Variants in TLL1 observed in about 807,000 individuals in gnomAD.
The protein encoded by TLL1 is tolloid-like protein 1.
TLL1 carries 49 observed loss-of-function variants against 128.2 expected under a neutral mutation model. The observed-to-expected ratio is 0.38, with a 90% confidence interval of 0.30 to 0.48. The LOEUF is 0.48. Ranked by LOEUF, TLL1 falls within the 20% of genes least tolerant of loss-of-function variation. TLL1 has a pLI of 0.96. For missense variants in TLL1, 1,123 were observed against 1,242.0 expected (o/e 0.90, Z 1.44); for synonymous variants, 454 against 418.8 (o/e 1.08, Z -1.03).
At chr4:166,056,787 G>A (rs905811282) in intron 13 of TLL1, among the ~76,000 whole-genome samples, 5 of 152,130 alleles carry the variant, frequency 3.3e-5, no homozygotes, top group African/African-American at 1.2e-4. Context: ...AGTTGGCCCA[G>A]CAATAGGTTT....
At chr4:165,937,813 T>C (rs1160750823) in intron 1 of TLL1, among the ~76,000 whole-genome samples, 1 of 151,816 alleles carries the variant, frequency 6.6e-6, no homozygotes, top group Non-Finnish European at 1.5e-5. Context: ...TTTATTTTTC[T>C]GGGCATCTTA....
chr4:165,892,690 A>G (rs1177831572), intron 1 of TLL1, among the ~76,000 whole-genome samples: 1 of 152,220 alleles, frequency 6.6e-6, no homozygotes, highest in Non-Finnish European at 1.5e-5. Context: ...TGCTAAGAAC[A>G]TATTCACTAG....
intron 9 of TLL1, among the ~76,000 whole-genome samples, chr4:166,029,175 C>T (rs997953432): frequency 1.3e-5 from 2 of 151,654 alleles, no homozygotes; most frequent in South Asian, 2.1e-4. Context: ...TTTATCATTT[C>T]GTATTTTTCT....
intron 17 of TLL1, among the ~76,000 whole-genome samples, chr4:166,075,897 G>A (rs540927093): frequency 7.6e-4 from 115 of 152,216 alleles, no homozygotes; most frequent in African/African-American, 2.8e-3. Context: ...TTACATGTCA[G>A]GGATTTTCTT....
intron 6 of TLL1, among the ~76,000 whole-genome samples, chr4:166,006,783 A>T (rs1737454508): frequency 6.6e-6 from 1 of 151,770 alleles, no homozygotes; most frequent in Non-Finnish European, 1.5e-5. Context: ...ACAGACTAAA[A>T]CACCTTGTTC....
chr4:165,919,794 A>G (rs1392527223), intron 1 of TLL1: 5 of 455,946 alleles, frequency 1.1e-5, no homozygotes, highest in African/African-American at 8.0e-5. Context: ...CTTGTTTAAA[A>G]CACTCACTCT....
chr4:165,934,173 C>CTTTTT (rs779010027), intron 1 of TLL1, among the ~76,000 whole-genome samples: 15 of 108,294 alleles, frequency 1.4e-4, no homozygotes, highest in Admixed American at 2.0e-4. Flanking sequence ...TAATTTTTTG[C>CTTTTT]TTTTTTTTTT....
chr4:165,996,902 A>G (rs951175496), intron 5 of TLL1, among the ~76,000 whole-genome samples: 10 of 150,896 alleles, frequency 6.6e-5, no homozygotes, highest in Non-Finnish European at 1.5e-5. Context: ...TTGTACATGC[A>G]TATACATATG....
At chr4:165,956,294 C>T (rs781186628) in intron 1 of TLL1, among the ~76,000 whole-genome samples, 6 of 151,974 alleles carry the variant, frequency 3.9e-5, no homozygotes, top group Non-Finnish European at 8.8e-5. Context: ...ACAAATTTAC[C>T]AGGGTGGAGT....
rs1733376851 is a variant in TLL1, at chr4:165,928,630, A to G, written c.169+54557A>G. ...CACTGAATAAAAATATTCTTTTTGT[A>G]TTGCTTTAACATATCAAAAATTTCC... On this transcript the variant is annotated intron_variant, in intron 1 of 20. Transcript: ENST00000061240. 2.0e-5 allele frequency among the ~76,000 whole-genome samples: 3 copies of G among 152,202 alleles called. No homozygotes were observed. The South Asian group carries it at 6.2e-4, about 32-fold the overall frequency.
rs755923669 is a variant in TLL1, at chr4:166,003,397, C to T, written c.639C>T (p.Cys213=). ...ACTTTCTCTTTTATTCCAGATGCTGCTCCTATGTAGGTCGGCGAGGAAATG... is the reference window on the plus strand; with the variant it reads ...ACTTTCTCTTTTATTCCAGATGCTGTTCCTATGTAGGTCGGCGAGGAAATG... The part of the protein sequence containing the change: ...IVFTYRPCGC[C]SYVGRRGNGP... Residue 213 remains cysteine (C), a synonymous_variant, in exon 6 of 21, where the codon TGC becomes TGT. Transcript: ENST00000061240. 1.2e-6 allele frequency: 2 copies of T among 1,613,974 alleles called. No individual in the cohort carries two copies. The highest frequency in any genetic ancestry group is 8.5e-7 in the Non-Finnish European group (1 of 1,179,922).
chr4:165,962,324 C>A (rs1232184564), intron 1 of TLL1, among the ~76,000 whole-genome samples: 1 of 152,136 alleles, frequency 6.6e-6, no homozygotes, highest in Admixed American at 6.6e-5. Context: ...TGAAAAAATT[C>A]TCAACATCAC....
At chr4:166,001,423 A>T (rs943424308) in intron 5 of TLL1, among the ~76,000 whole-genome samples, 2 of 152,124 alleles carry the variant, frequency 1.3e-5, no homozygotes, top group Non-Finnish European at 2.9e-5. Flanking sequence ...TGGGACTGTC[A>T]TACACTCACA....
intron 8 of TLL1, among the ~76,000 whole-genome samples, chr4:166,016,451 G>A: frequency 6.6e-6 from 1 of 152,056 alleles, no homozygotes; most frequent in Non-Finnish European, 1.5e-5. Context: ...ACACTGAACT[G>A]TAGGAAAGTC....
chr4:166,034,146 A>C (rs1056032013), intron 9 of TLL1, among the ~76,000 whole-genome samples: 1 of 152,180 alleles, frequency 6.6e-6, no homozygotes, highest in Admixed American at 6.6e-5. Context: ...ATAACCTAGT[A>C]ATATAATGGT....
At chr4:166,089,136 C>G (rs1026378312) in intron 18 of TLL1, among the ~76,000 whole-genome samples, 6 of 152,118 alleles carry the variant, frequency 3.9e-5, no homozygotes, top group Admixed American at 3.9e-4. Context: ...GCTCAACATG[C>G]AGTGGTTTTC....
intron 12 of TLL1, among the ~76,000 whole-genome samples, chr4:166,047,656 C>T (rs1393476521): frequency 1.3e-5 from 2 of 151,982 alleles, no homozygotes; most frequent in Non-Finnish European, 2.9e-5. Flanking sequence ...TTACCTTTGC[C>T]AGTGCCATTT....
intron 1 of TLL1, among the ~76,000 whole-genome samples, chr4:165,940,523 A>G (rs1733958030): frequency 6.6e-6 from 1 of 152,072 alleles, no homozygotes; most frequent in Non-Finnish European, 1.5e-5. Flanking sequence ...ACACATATAT[A>G]TATTCATTAG....
intron 1 of TLL1, among the ~76,000 whole-genome samples, chr4:165,979,398 C>T (rs1335932507): frequency 6.6e-6 from 1 of 151,794 alleles, no homozygotes; most frequent in Non-Finnish European, 1.5e-5. Context: ...TATGCAAAAT[C>T]ATACAGATGA....
Sources: allele counts gnomAD v4.1 joint callset (sites outside exome capture counted in the v4.1 genomes callset), GRCh38; gene constraint gnomAD v4.1.1; transcripts MANE v1.5; gene names NCBI Gene and HGNC (gene_info 2026-07-23, HGNC 2026-07-21).